CBFA2T2: variants seen among roughly 807,000 people sequenced by gnomAD.
CBFA2T2 encodes CBFA2/RUNX1 partner transcriptional co-repressor 2.
In CBFA2T2, 11 loss-of-function variants were observed where a neutral mutation model predicts 62.2. The observed-to-expected ratio is 0.18, with a 90% CI of 0.11 to 0.29. The LOEUF is 0.29. Ranked by LOEUF, CBFA2T2 falls within the 10% of genes least tolerant of loss-of-function variation. The probability of loss-of-function intolerance (pLI) is 1.00; values close to 1 mark genes in which losing one functional copy is unlikely to be tolerated. For missense variants in CBFA2T2, 592 were observed against 774.1 expected, an observed-to-expected ratio of 0.76 and a Z score of 2.79; for synonymous variants, 295 against 287.5, an observed-to-expected ratio of 1.03 and a Z score of -0.27.
Position 33,606,976 on chromosome 20 carries a change from C to T in CBFA2T2, c.55C>T (p.Pro19Ser), listed in dbSNP as rs925274055. 1 of 1,613,664 alleles carries T rather than the reference C, an allele frequency of 6.2e-7. No individual in the cohort carries two copies. ...TGCAGTTGGTCCTGAGAAAAGGGTG[C>T]CAGCGATGCCTGGATCGCCTGTGGA... ...AFQLGPEKRVPAMPGSPVEVK... is the reference protein window; with the variant it reads ...AFQLGPEKRVSAMPGSPVEVK... Residue 19 changes from proline (P) to serine (S), a missense_variant, in exon 2 of 11, where the codon CCA (proline) becomes TCA (serine). Pro to Ser is a moderately conservative substitution (Grantham distance 74). Around this residue, in one of 3 missense-constraint regions of CBFA2T2, gnomAD observed 449 missense variants for 551.2 expected, o/e 0.81. Coordinates refer to ENST00000342704, the MANE Select transcript of CBFA2T2 (RefSeq NM_001032999.3).
chr20:33,550,225 G>A (rs998145416), intron 1 of CBFA2T2, among the ~76,000 whole-genome samples: 17 of 152,100 alleles, frequency 1.1e-4, no homozygotes, highest in Admixed American at 5.2e-4. Flanking sequence ...ACCAGTTCAG[G>A]GGCAATAATT....
intron 1 of CBFA2T2, among the ~76,000 whole-genome samples, chr20:33,567,459 G>A (rs1341902029): frequency 2.0e-5 from 3 of 152,090 alleles, no homozygotes; most frequent in Admixed American, 6.5e-5. Flanking sequence ...GGTACAGTAC[G>A]CTAAGACATT....
At chr20:33,570,459 G>GT (rs2013512995) in intron 1 of CBFA2T2, among the ~76,000 whole-genome samples, 1 of 152,178 alleles carries the variant, frequency 6.6e-6, no homozygotes, top group Non-Finnish European at 1.5e-5. Flanking sequence ...CTGCTCCTTC[G>GT]TTTTAAGCAG....
chr20:33,605,396 G>A (rs1052792507), intron 1 of CBFA2T2, among the ~76,000 whole-genome samples: 1 of 152,182 alleles, frequency 6.6e-6, no homozygotes, highest in East Asian at 1.9e-4. Flanking sequence ...GAATTACTGT[G>A]AGGAACATAG....
chr20:33,640,066 A>G (rs1446952258), intron 9 of CBFA2T2, among the ~76,000 whole-genome samples: 1 of 152,156 alleles, frequency 6.6e-6, no homozygotes, highest in African/African-American at 2.4e-5. Flanking sequence ...ACACGATGGC[A>G]CCTGAAACAC....
chr20:33,640,754 TATAG>T (rs1426272513), intron 10 of CBFA2T2, among the ~76,000 whole-genome samples: 4 of 151,682 alleles, frequency 2.6e-5, no homozygotes, highest in Admixed American at 6.6e-5. Context: ...TACATATATA[TATAG>T]AGAGAGAGAG....
At chr20:33,536,097 A>C (rs1055039278) in intron 1 of CBFA2T2, among the ~76,000 whole-genome samples, 1 of 152,142 alleles carries the variant, frequency 6.6e-6, no homozygotes, top group African/African-American at 2.4e-5. Flanking sequence ...CAACCATCCG[A>C]TTTCCCAATC....
At chr20:33,624,614 T>G in intron 5 of CBFA2T2, 150 bp from the exon 6 acceptor site, 3 of 818,932 alleles carry the variant, frequency 3.7e-6, no homozygotes, top group Non-Finnish European at 3.9e-6. Flanking sequence ...TGAAGACAAT[T>G]CAGCTCATGC....
intron 1 of CBFA2T2, among the ~76,000 whole-genome samples, chr20:33,498,945 A>G (rs2011235409): frequency 6.6e-6 from 1 of 151,830 alleles, no homozygotes; most frequent in Non-Finnish European, 1.5e-5. Flanking sequence ...CAGGAGGCTG[A>G]GGCAGGAGAA....
intron 9 of CBFA2T2, among the ~76,000 whole-genome samples, chr20:33,637,784 C>A (rs1421546137): frequency 6.6e-6 from 1 of 151,572 alleles, no homozygotes; most frequent in Non-Finnish European, 1.5e-5. Context: ...TCTCCTGCCT[C>A]AGCCTCCCAA....
At chr20:33,642,187 G>A (rs1324263992) in intron 10 of CBFA2T2, among the ~76,000 whole-genome samples, 2 of 144,778 alleles carry the variant, frequency 1.4e-5, no homozygotes, top group Middle Eastern at 3.7e-3. Flanking sequence ...TCACTATATT[G>A]CCCAGGCAGG....
At chr20:33,632,962 T>C (rs1242185872) in intron 8 of CBFA2T2, among the ~76,000 whole-genome samples, 1 of 151,592 alleles carries the variant, frequency 6.6e-6, no homozygotes, top group Non-Finnish European at 1.5e-5. Flanking sequence ...TTTCACCATG[T>C]TTGCCAGGCT....
intron 1 of CBFA2T2, among the ~76,000 whole-genome samples, chr20:33,526,191 A>G (rs2011881088): frequency 6.6e-6 from 1 of 152,194 alleles, no homozygotes; most frequent in Admixed American, 6.5e-5. Context: ...CTGGCCTTAC[A>G]TATATTTTAA....
intron 1 of CBFA2T2, among the ~76,000 whole-genome samples, chr20:33,514,854 A>G (rs2011573281): frequency 6.6e-6 from 1 of 151,528 alleles, no homozygotes; most frequent in Admixed American, 6.6e-5. Flanking sequence ...CTGCCATCAC[A>G]CCTGGCTGAT....
rs189649864 is a variant in CBFA2T2 at position 33,503,400 on chromosome 20, G to T, written c.34+13099G>T. Among the ~76,000 whole-genome samples the T allele has an allele frequency of 4.2e-3, 637 of 151,368 alleles. 4 individuals carry two copies. Among genetic ancestry groups the T allele is most frequent in the African/African-American group, 0.014 (591 of 41,316 alleles). ...CTCCCGACTAGCTGGGATTACAGGC[G>T]CCCGCCATCAGGCCCAGCTAATTTT... On this transcript the variant is annotated intron_variant, in intron 1 of 10. Coordinates refer to ENST00000342704, the MANE Select transcript of CBFA2T2 (RefSeq NM_001032999.3).
chr20:33,520,038 G>C (rs1469089401), intron 1 of CBFA2T2, among the ~76,000 whole-genome samples: 1 of 151,878 alleles, frequency 6.6e-6, no homozygotes, highest in Non-Finnish European at 1.5e-5. Flanking sequence ...CCAGCTACTC[G>C]GGAGGCTGAG....
chr20:33,592,158 T>C (rs2014675456), intron 1 of CBFA2T2, among the ~76,000 whole-genome samples: 1 of 151,022 alleles, frequency 6.6e-6, no homozygotes, highest in South Asian at 2.1e-4. Flanking sequence ...ATATCAGGAG[T>C]TTGAGACCAG....
Position 33,539,273 on chromosome 20 carries a change from T to C in CBFA2T2, c.34+48972T>C, listed in dbSNP as rs1386073687. On this transcript the variant is annotated intron_variant, in intron 1 of 10. Coordinates refer to ENST00000342704, the MANE Select transcript of CBFA2T2 (RefSeq NM_001032999.3). ...ATTGAAAGAGAGAACATAGAAATCATAGCCATGTGCCTGCAACACAGTGTG... is the reference window on the plus strand; with the variant it reads ...ATTGAAAGAGAGAACATAGAAATCACAGCCATGTGCCTGCAACACAGTGTG... Among the ~76,000 whole-genome samples the C allele has an allele frequency of 2.6e-5, 4 of 152,212 alleles. 1 individual carries two copies. Among genetic ancestry groups the C allele is most frequent in the East Asian group, 1.9e-4 (1 of 5,204 alleles).
At chr20:33,595,414 G>A (rs1442508442) in intron 1 of CBFA2T2, among the ~76,000 whole-genome samples, 8 of 152,128 alleles carry the variant, frequency 5.3e-5, no homozygotes, top group South Asian at 2.1e-4. Flanking sequence ...GTTTCACCAC[G>A]TTGGCCAGGA....
Sources: allele counts gnomAD v4.1 joint callset (sites outside exome capture counted in the v4.1 genomes callset), GRCh38; gene constraint gnomAD v4.1.1; regional missense constraint gnomAD v4.1.1; transcripts MANE v1.5; gene names NCBI Gene and HGNC (gene_info 2026-07-23, HGNC 2026-07-21).